Variants in UGT2A3 observed in about 807,000 individuals in gnomAD.
The protein encoded by UGT2A3 is UDP-glucuronosyltransferase 2A3.
A neutral mutation model predicts 44.1 loss-of-function variants in UGT2A3; 55 were observed. The ratio of observed to expected loss-of-function variants is 1.25; its 90% confidence interval spans 1.00 to 1.56. UGT2A3 has a LOEUF of 1.56. Ranked by LOEUF, UGT2A3 falls within the 40% of genes most tolerant of loss-of-function variation. The probability of loss-of-function intolerance (pLI) is 0.00; values close to 1 mark genes in which losing one functional copy is unlikely to be tolerated. For missense variants in UGT2A3, 733 were observed against 621.6 expected (o/e 1.18, Z -1.91); for synonymous variants, 243 against 215.1 (o/e 1.13, Z -1.13).
chr4:68,933,258 C>T (rs1717807308), intron 2 of UGT2A3, among the ~76,000 whole-genome samples: 1 of 151,912 alleles, frequency 6.6e-6, no homozygotes, highest in African/African-American at 2.4e-5. Context: ...TTAAAAAATC[C>T]ATGACCAGAA....
chr4:68,940,081 C>A (rs374054156), intron 2 of UGT2A3, among the ~76,000 whole-genome samples: 1 of 152,042 alleles, frequency 6.6e-6, no homozygotes, highest in East Asian at 1.9e-4. Context: ...GAAATAGGAA[C>A]GTTTTTACAC....
rs758417189 is a variant in UGT2A3, at chr4:68,942,349, A to ATATATATATG, written c.864+2956_864+2957insCATATATATA. On this transcript the variant is annotated intron_variant, in intron 2 of 5. Transcript: ENST00000251566. The stretch of plus-strand genomic sequence containing the variant: ...TCTCTCTCTCTCTCTCTATATATAT[A>ATATATATATG]TATGCAATGAAATGGATATGTATAT... Among the ~76,000 whole-genome samples, 532 of 148,442 alleles carry ATATATATATG rather than the reference A, an allele frequency of 3.6e-3. 1 individual carries two copies. Among genetic ancestry groups the ATATATATATG allele is most frequent in the South Asian group, 6.5e-3 (31 of 4,756 alleles).
chr4:68,951,106 G>T lies in UGT2A3; in HGVS notation c.655C>A (p.His219Asn). 1 of 1,610,632 alleles carries T rather than the reference G, an allele frequency of 6.2e-7. No individual in the cohort carries two copies. The highest frequency in any genetic ancestry group is 1.1e-5 in the South Asian group (1 of 90,674). The stretch of plus-strand genomic sequence containing the variant: ...TAGTCGTAATCCTGAATCCAGAAGT[G>T]GAACAAAACTGAAAGCATTGAATTT... ...VKNSMLSVLF[H>N]FWIQDYDYHF... Residue 219 changes from histidine to asparagine, a missense_variant, in exon 1 of 6, where the codon CAC becomes AAC. Transcript: ENST00000251566.
Position 68,936,102 on chromosome 4 carries a change from G to T in UGT2A3, c.865-3343C>A, listed in dbSNP as rs1471405822. Among the ~76,000 whole-genome samples, 3 of 152,110 alleles carry T rather than the reference G, an allele frequency of 2.0e-5. No individual in the cohort carries two copies. The South Asian group carries it at 6.2e-4, about 32-fold the overall frequency. On this transcript the variant is annotated intron_variant, in intron 2 of 5. Transcript: ENST00000251566. The stretch of plus-strand genomic sequence containing the variant: ...ATATGTTTGATTGGTGTACCTGAAT[G>T]TGATGGAGAGAATGGAACCAAGTTA...
Position 68,951,418 on chromosome 4 carries a change from C to T in UGT2A3, c.343G>A (p.Val115Ile), listed in dbSNP as rs1718587052. The T allele has an allele frequency of 6.2e-7, 1 of 1,610,802 alleles. No individual in the cohort carries two copies. The highest frequency in any genetic ancestry group is 8.5e-7 in the Non-Finnish European group (1 of 1,178,774). ...ATTTTTAAAGTTCCTCTTATTTCAA[C>T]AAAAAAATCATTTAATTTTATAACT... ...QSVIKLNDFF[V>I]EIRGTLKMMC... The change falls in exon 1 of 6, where the codon GTT (valine) becomes ATT (isoleucine). Residue 115 changes from valine (V) to isoleucine (I), a missense_variant. Transcript: ENST00000251566.
At chr4:68,933,317 G>A (rs1041428565) in intron 2 of UGT2A3, among the ~76,000 whole-genome samples, 13 of 151,962 alleles carry the variant, frequency 8.6e-5, no homozygotes, top group African/African-American at 3.1e-4. Flanking sequence ...AACCAAAATA[G>A]CATCAGTCAC....
intron 2 of UGT2A3, among the ~76,000 whole-genome samples, chr4:68,935,862 C>T (rs1041075331): frequency 2.6e-5 from 4 of 151,978 alleles, no homozygotes; most frequent in Non-Finnish European, 5.9e-5. Context: ...GTAGAGAAGA[C>T]CTTAAATGAC....
chr4:68,934,840 G>T (rs986956935), intron 2 of UGT2A3, among the ~76,000 whole-genome samples: 2 of 151,698 alleles, frequency 1.3e-5, no homozygotes, highest in Non-Finnish European at 2.9e-5. Flanking sequence ...CCGCACTCCA[G>T]TATGCGTAAC....
intron 2 of UGT2A3, among the ~76,000 whole-genome samples, chr4:68,938,484 C>A (rs1718041246): frequency 6.6e-6 from 1 of 152,054 alleles, no homozygotes; most frequent in Non-Finnish European, 1.5e-5. Context: ...GCAGAAAACA[C>A]CTTCAACAAA....
chr4:68,933,792 C>T (rs1409384469), intron 2 of UGT2A3, among the ~76,000 whole-genome samples: 6 of 151,988 alleles, frequency 3.9e-5, no homozygotes, highest in Admixed American at 1.3e-4. Flanking sequence ...TCTGGCACAG[C>T]ATTATGTTTT....
intron 2 of UGT2A3, among the ~76,000 whole-genome samples, chr4:68,933,271 A>T (rs958389116): frequency 1.3e-5 from 2 of 152,060 alleles, no homozygotes; most frequent in African/African-American, 4.8e-5. Flanking sequence ...GACCAGAAAG[A>T]AGAAAGATCA....
At chr4:68,944,797 G>A (rs532475846) in intron 2 of UGT2A3, among the ~76,000 whole-genome samples, 1 of 151,736 alleles carries the variant, frequency 6.6e-6, no homozygotes, top group Non-Finnish European at 1.5e-5. Context: ...ACTTATTTGA[G>A]TAAAAGTCAT....
At position 68,932,684 on chromosome 4, in the gene UGT2A3, C is replaced by T; in HGVS notation, c.940G>A (p.Val314Ile). ...ATGATATTAGCCTTTTCTTCTGTAA[C>T]ATTTTGAAACAGTGACCCCAGAGAA... The part of the protein sequence containing the change: ...VFSLGSLFQN[V>I]TEEKANIIAS... Residue 314 changes from valine (V) to isoleucine (I), a missense_variant, in exon 3 of 6, where the codon GTT (valine) becomes ATT (isoleucine). Coordinates refer to ENST00000251566, the MANE Select transcript of UGT2A3 (RefSeq NM_024743.4). 1 of 1,611,934 alleles carries T rather than the reference C, an allele frequency of 6.2e-7. No individual in the cohort carries two copies. Among genetic ancestry groups the T allele is most frequent in the Non-Finnish European group, 8.5e-7 (1 of 1,178,796 alleles).
Position 68,931,233 on chromosome 4 carries a change from T to G in UGT2A3, c.1006A>C (p.Arg336=). Residue 336 remains arginine (R), a synonymous_variant, in exon 4 of 6, where the codon AGG becomes CGG. Transcript: ENST00000251566. ...GTGGATGGTTTTTTTCCTTTGTACC[T>G]CCATAACACCTACGGAAGAAACACA... ...LAQIPQKVLW[R]YKGKKPSTLG... The G allele has an allele frequency of 6.2e-7, 1 of 1,612,300 alleles. No homozygotes were observed. The highest frequency in any genetic ancestry group is 1.1e-5 in the South Asian group (1 of 91,004).
At chr4:68,949,467 C>T (rs762660444) in intron 1 of UGT2A3, among the ~76,000 whole-genome samples, 9 of 151,778 alleles carry the variant, frequency 5.9e-5, no homozygotes, top group Non-Finnish European at 1.3e-4. Flanking sequence ...AGCTAATAAA[C>T]GTGTAACCAT....
At chr4:68,940,827 C>G (rs375732333) in intron 2 of UGT2A3, among the ~76,000 whole-genome samples, 1 of 145,874 alleles carries the variant, frequency 6.9e-6, no homozygotes, top group African/African-American at 2.5e-5. Flanking sequence ...ATCACCAAAA[C>G]AGTATGGCAG....
intron 2 of UGT2A3, among the ~76,000 whole-genome samples, chr4:68,937,174 C>A (rs529749650): frequency 2.6e-5 from 4 of 152,006 alleles, no homozygotes; most frequent in African/African-American, 2.4e-5. Flanking sequence ...AAGGTTAACA[C>A]GGATATCCAG....
At chr4:68,935,272 GTATGTATATA>G (rs1215056503) in intron 2 of UGT2A3, among the ~76,000 whole-genome samples, 25 of 89,270 alleles carry the variant, frequency 2.8e-4, no homozygotes, top group East Asian at 1.6e-3. Flanking sequence ...ATGTATGTAT[GTATGTATATA>G]TATATATATA....
intron 2 of UGT2A3, among the ~76,000 whole-genome samples, chr4:68,940,243 G>A (rs1718134477): frequency 6.6e-6 from 1 of 152,094 alleles, no homozygotes; most frequent in African/African-American, 2.4e-5. Flanking sequence ...AAAGACACAT[G>A]CACACATATG....
Sources: gnomAD v4.1 joint callset for allele counts (sites outside exome capture counted in the v4.1 genomes callset) on GRCh38, gnomAD v4.1.1 for gene constraint, MANE v1.5 for transcripts, NCBI Gene and HGNC (gene_info 2026-07-23, HGNC 2026-07-21) for gene names.